Variants in ABI3BP observed in about 807,000 individuals in gnomAD.
ABI3BP encodes the protein ABI family member 3 binding protein.
Under a neutral mutation model 268.6 loss-of-function variants are expected in ABI3BP, and 216 were observed. The observed-to-expected ratio is 0.80, with a 90% CI of 0.72 to 0.90. The LOEUF (loss-of-function observed/expected upper bound fraction) is 0.90. ABI3BP is among the 40% of genes least tolerant of loss of function. The pLI is 0.00. For missense variants in ABI3BP, 2,090 were observed against 2,182.4 expected (o/e 0.96, Z 0.84); for synonymous variants, 730 against 730.0 (o/e 1.00, Z 0.00).
chr3:100,938,945 G>A (rs1403538024), intron 1 of ABI3BP, among the ~76,000 whole-genome samples: 1 of 152,124 alleles, frequency 6.6e-6, no homozygotes, highest in Non-Finnish European at 1.5e-5. Context: ...ATGTGTGTGT[G>A]CATGCACATG....
At chr3:100,877,109 A>C (rs1286726704) in intron 6 of ABI3BP, among the ~76,000 whole-genome samples, 1 of 152,194 alleles carries the variant, frequency 6.6e-6, no homozygotes, top group Non-Finnish European at 1.5e-5. Context: ...AACTCCCATT[A>C]GTTCACTTTA....
Position 100,902,547 on chromosome 3 carries a change from G to T in ABI3BP, c.328+71C>A, listed in dbSNP as rs917509899. 2.2e-5 allele frequency: 31 copies of T among 1,408,860 alleles called. No individual in the cohort carries two copies. The African/African-American group carries it at 3.8e-4, about 17-fold the overall frequency. 87.3% of individuals were successfully genotyped at this position (1,408,860 alleles called of 1,614,324 possible). A position where few individuals can be genotyped will look rare whatever the true frequency, so the allele number is the denominator to read the frequency against. On this transcript the variant is annotated intron_variant, in intron 3 of 67. Coordinates refer to ENST00000471714, the MANE Select transcript of ABI3BP (RefSeq NM_001375547.2). ...CTTCTCAAGGCATTTGGTCTCCAGG[G>T]GTCCAAAAGAGATGAAAAGTCATGG...
intron 63 of ABI3BP, among the ~76,000 whole-genome samples, chr3:100,759,421 T>G (rs2095821826): frequency 1.3e-5 from 2 of 152,066 alleles, no homozygotes; most frequent in African/African-American, 2.4e-5. Flanking sequence ...GGAACACAGA[T>G]AAGGAGCAAG....
rs138034528 is a variant in ABI3BP, at chr3:100,888,495, G to T, written c.462-2172C>A. ...ACTGCTTTCATGATGCAGGAGTCCTGTTGCTAACAGAACTACTGAAGGTCA... is the reference window on the plus strand; with the variant it reads ...ACTGCTTTCATGATGCAGGAGTCCTTTTGCTAACAGAACTACTGAAGGTCA... On this transcript the variant is annotated intron_variant, in intron 4 of 67. Transcript: ENST00000471714. 3.3e-5 allele frequency among the ~76,000 whole-genome samples: 5 copies of T among 152,186 alleles called. No homozygotes were observed. The East Asian group carries it at 9.6e-4, about 29-fold the overall frequency.
intron 2 of ABI3BP, among the ~76,000 whole-genome samples, chr3:100,904,918 C>A (rs1368691011): frequency 6.6e-6 from 1 of 152,178 alleles, no homozygotes; most frequent in Non-Finnish European, 1.5e-5. Flanking sequence ...TGGGTATATA[C>A]CCAAAGGATT....
At chr3:100,831,654 CTCTG>C (rs1477592632) in intron 31 of ABI3BP, among the ~76,000 whole-genome samples, 2 of 152,064 alleles carry the variant, frequency 1.3e-5, no homozygotes, top group African/African-American at 4.8e-5. Flanking sequence ...ACGAGTTATC[CTCTG>C]TCTGGTGAGC....
intron 14 of ABI3BP, among the ~76,000 whole-genome samples, chr3:100,856,681 A>G (rs1347361648): frequency 1.3e-5 from 2 of 152,186 alleles, no homozygotes; most frequent in African/African-American, 2.4e-5. Context: ...CTGGTACTCA[A>G]TGATGGTCTT....
chr3:100,752,288 AAG>A (rs1160083369), intron 66 of ABI3BP, among the ~76,000 whole-genome samples: 1 of 152,228 alleles, frequency 6.6e-6, no homozygotes, highest in African/African-American at 2.4e-5. Context: ...CAGCACTTAG[AAG>A]AGTTGAATGA....
At chr3:100,896,367 T>C (rs1554079947) in intron 4 of ABI3BP, among the ~76,000 whole-genome samples, 1 of 152,184 alleles carries the variant, frequency 6.6e-6, no homozygotes, top group Non-Finnish European at 1.5e-5. Context: ...TGTCAAACCA[T>C]GGCAACATCT....
chr3:100,911,102 T>C, intron 2 of ABI3BP: 1 of 311,628 alleles, frequency 3.2e-6, no homozygotes, highest in Non-Finnish European at 6.2e-6. Flanking sequence ...TTGTCTTATG[T>C]CTCTAACTGC....
chr3:100,949,468 G>A (rs995659026), intron 1 of ABI3BP, among the ~76,000 whole-genome samples: 6 of 152,080 alleles, frequency 3.9e-5, no homozygotes, highest in African/African-American at 1.2e-4. Context: ...GTTTCGCCAC[G>A]TTGATCAGGC....
chr3:100,869,259 CA>C, intron 9 of ABI3BP, among the ~76,000 whole-genome samples: 1 of 17,494 alleles, frequency 5.7e-5, no homozygotes, highest in Non-Finnish European at 1.1e-4. Context: ...TCCTAAGAGA[CA>C]GAGACATTTA....
Position 100,749,604 on chromosome 3 carries a change from C to T in ABI3BP, c.*891G>A, listed in dbSNP as rs962459539. ...CTCTGATACATTCATTCATAGAGGT[C>T]TTAACGTATAAATACATAGTAAATA... On this transcript the variant is annotated 3_prime_UTR_variant, in exon 68 of 68. Transcript: ENST00000471714. 5.0e-6 allele frequency: 2 copies of T among 398,174 alleles called. No homozygotes were observed. Among genetic ancestry groups the T allele is most frequent in the Non-Finnish European group, 8.9e-6 (2 of 225,634 alleles). The allele number at this position is 398,174 out of a possible 1,614,324, so 24.7% of individuals were successfully genotyped here. A position where few individuals can be genotyped will look rare whatever the true frequency, so the allele number is the denominator to read the frequency against.
In ABI3BP at chr3:100,813,729, G is replaced by A; in HGVS notation, c.3296C>T (p.Thr1099Ile). 6.5e-7 allele frequency: 1 copy of A among 1,535,156 alleles called. No homozygotes were observed. The highest frequency in any genetic ancestry group is 1.2e-5 in the South Asian group (1 of 84,028). The stretch of plus-strand genomic sequence containing the variant: ...TTTCAAAATAAGAGTTTGCAGTTCA[G>A]TCAGAGCTGAAAGAAGAGGGTCTCA... ...TDAPGTTFALTELQTLILKPV... is the reference protein window; with the variant it reads ...TDAPGTTFALIELQTLILKPV... Residue 1099 changes from threonine (T) to isoleucine (I), a missense_variant, in exon 45 of 68, where the codon ACT becomes ATT. Transcript: ENST00000471714.
chr3:100,988,528 C>T (rs1357714288), intron 1 of ABI3BP, among the ~76,000 whole-genome samples: 1 of 152,146 alleles, frequency 6.6e-6, no homozygotes, highest in African/African-American at 2.4e-5. Flanking sequence ...AATCCTTCTC[C>T]TTGTCTCAAC....
At chr3:100,951,737 C>T (rs955318765) in intron 1 of ABI3BP, among the ~76,000 whole-genome samples, 1 of 151,964 alleles carries the variant, frequency 6.6e-6, no homozygotes, top group Non-Finnish European at 1.5e-5. Context: ...ATGCCTATGA[C>T]TTTGCTTCAT....
chr3:100,841,901 G>GAAAAA (rs66923918), intron 21 of ABI3BP, 97 bp downstream of exon 21: 18 of 818,872 alleles, frequency 2.2e-5, no homozygotes, highest in Admixed American at 3.3e-5. Context: ...ATCTGGAGAA[G>GAAAAA]AAAAAAAAAA....
intron 3 of ABI3BP, among the ~76,000 whole-genome samples, chr3:100,901,599 AC>A (rs1351084099): frequency 6.6e-6 from 1 of 152,036 alleles, no homozygotes; most frequent in Non-Finnish European, 1.5e-5. Flanking sequence ...CCCCGTCTCT[AC>A]TAAAAAATAC....
chr3:100,790,816 A>G (rs2097178469), intron 55 of ABI3BP, among the ~76,000 whole-genome samples: 1 of 151,980 alleles, frequency 6.6e-6, no homozygotes, highest in Non-Finnish European at 1.5e-5. Context: ...CTTAAAAAAG[A>G]TAAGAATCAT....
Sources: gnomAD v4.1 joint callset for allele counts (sites outside exome capture counted in the v4.1 genomes callset) on GRCh38, gnomAD v4.1.1 for gene constraint, MANE v1.5 for transcripts, NCBI Gene and HGNC (gene_info 2026-07-23, HGNC 2026-07-21) for gene names.